Variants in L3MBTL4 observed in about 807,000 individuals in gnomAD.
L3MBTL4 encodes the protein L3MBTL histone methyl-lysine binding protein 4.
L3MBTL4 carries 70 observed loss-of-function variants against 84.5 expected under a neutral mutation model. The observed-to-expected ratio is 0.83, with a 90% confidence interval of 0.68 to 1.01. The LOEUF (loss-of-function observed/expected upper bound fraction) is 1.01, where lower values mean the gene tolerates loss of function less well. L3MBTL4 is among the 50% of genes least tolerant of loss of function. The pLI, the probability that L3MBTL4 is intolerant of heterozygous loss-of-function variation, is 0.00. For synonymous variants in L3MBTL4, 274 were observed against 259.8 expected, an observed-to-expected ratio of 1.05 and a Z score of -0.52; for missense variants, 715 against 754.8, an observed-to-expected ratio of 0.95 and a Z score of 0.62.
chr18:6,093,365 T>C lies in L3MBTL4; in HGVS notation c.1363A>G (p.Ser455Gly). The change falls in exon 15 of 19, where the codon AGT becomes GGT. Residue 455 changes from serine (S) to glycine (G), a missense_variant. By Grantham distance (56) the Ser-to-Gly change is moderately conservative. Coordinates refer to ENST00000317931, the MANE Select transcript of L3MBTL4 (RefSeq NM_001330559.2). ...NFNGKHEKVN[S>G]QPRLVQQAKC... ...TAAGAAGTTTCTTACCTGGGCTGACTGTTCACCTTTTCATGTTTTCCATTG... is the reference window on the plus strand; with the variant it reads ...TAAGAAGTTTCTTACCTGGGCTGACCGTTCACCTTTTCATGTTTTCCATTG... 1.9e-6 allele frequency: 3 copies of C among 1,609,468 alleles called. No individual in the cohort carries two copies. In the South Asian group the frequency reaches 3.3e-5, roughly 18 times the overall value.
intron 16 of L3MBTL4, among the ~76,000 whole-genome samples, chr18:6,017,066 A>T (rs1211567429): frequency 2.0e-5 from 3 of 152,152 alleles, no homozygotes; most frequent in Non-Finnish European, 2.9e-5. Flanking sequence ...ATCTCCCTGG[A>T]GCCCGTGGTC....
intron 10 of L3MBTL4, among the ~76,000 whole-genome samples, chr18:6,237,180 A>G (rs2047249206): frequency 6.6e-6 from 1 of 152,164 alleles, no homozygotes; most frequent in Admixed American, 6.5e-5. Flanking sequence ...TGTTTAGCTA[A>G]GATGTTAATT....
intron 4 of L3MBTL4, among the ~76,000 whole-genome samples, chr18:6,277,044 C>A (rs2049109920): frequency 6.7e-6 from 1 of 148,512 alleles, no homozygotes; most frequent in African/African-American, 2.5e-5. Flanking sequence ...AGTTTCCACT[C>A]TTGACTGAGT....
chr18:6,227,671 A>G (rs543895368), intron 10 of L3MBTL4, among the ~76,000 whole-genome samples: 11 of 152,322 alleles, frequency 7.2e-5, no homozygotes, highest in African/African-American at 2.4e-4. Context: ...TTAAGAAAAG[A>G]AAACTCCAGA....
chr18:6,117,611 A>C (rs2059397915), intron 14 of L3MBTL4, among the ~76,000 whole-genome samples: 1 of 152,228 alleles, frequency 6.6e-6, no homozygotes, highest in Admixed American at 6.5e-5. Flanking sequence ...CTTACTAGGA[A>C]TCAGCAAGAT....
intron 1 of L3MBTL4, among the ~76,000 whole-genome samples, chr18:6,380,406 G>A (rs2054549687): frequency 6.6e-6 from 1 of 152,088 alleles, no homozygotes; most frequent in East Asian, 1.9e-4. Flanking sequence ...TAATTTTGAT[G>A]TTAGGGTGTC....
chr18:6,239,209 C>T (rs1272545660), intron 9 of L3MBTL4, among the ~76,000 whole-genome samples: 5 of 150,902 alleles, frequency 3.3e-5, no homozygotes, highest in Admixed American at 3.3e-4. Flanking sequence ...GGCGTAGTGG[C>T]GGGCGCCTGT....
intron 16 of L3MBTL4, among the ~76,000 whole-genome samples, chr18:5,996,562 G>A (rs1041788731): frequency 3.9e-5 from 6 of 152,194 alleles, no homozygotes; most frequent in East Asian, 1.9e-4. Context: ...GCGCTCTGGG[G>A]TTCTACTCAG....
At chr18:6,241,725 C>A (rs955190938) in intron 7 of L3MBTL4, among the ~76,000 whole-genome samples, 6 of 152,164 alleles carry the variant, frequency 3.9e-5, no homozygotes, top group African/African-American at 1.4e-4. Context: ...GCTTCCCCAT[C>A]ACGCGCATCA....
chr18:6,157,156 T>G (rs766829857), intron 13 of L3MBTL4, among the ~76,000 whole-genome samples: 5 of 152,210 alleles, frequency 3.3e-5, no homozygotes, highest in Non-Finnish European at 7.3e-5. Flanking sequence ...AAAAACACAA[T>G]ATGCTGTAAT....
chr18:6,120,216 G>A (rs1034472187), intron 14 of L3MBTL4, among the ~76,000 whole-genome samples: 4 of 152,170 alleles, frequency 2.6e-5, no homozygotes, highest in East Asian at 1.9e-4. Flanking sequence ...GGTCAGTCTC[G>A]GAACCGACCA....
chr18:6,338,979 C>T (rs1368457743), intron 1 of L3MBTL4, among the ~76,000 whole-genome samples: 1 of 152,098 alleles, frequency 6.6e-6, no homozygotes, highest in Admixed American at 6.5e-5. Flanking sequence ...TTACTGTGTA[C>T]TCATTAACAG....
chr18:6,089,966 T>G (rs1001426153), intron 15 of L3MBTL4, among the ~76,000 whole-genome samples: 2 of 152,176 alleles, frequency 1.3e-5, no homozygotes, highest in African/African-American at 4.8e-5. Flanking sequence ...TTGCCTAAAT[T>G]ACAAAATTAT....
At chr18:6,080,790 G>C in intron 16 of L3MBTL4, 91 bp downstream of exon 16, 1 of 932,666 alleles carries the variant, frequency 1.1e-6, no homozygotes, top group Non-Finnish European at 1.6e-6. Context: ...ACCATTCCCT[G>C]TTGGAATGAT....
intron 1 of L3MBTL4, among the ~76,000 whole-genome samples, chr18:6,378,049 A>G (rs570439201): frequency 2.0e-4 from 31 of 152,168 alleles, no homozygotes; most frequent in African/African-American, 7.2e-4. Context: ...TGTGGTTTTG[A>G]TTTGCATTTC....
At chr18:6,262,614 G>C (rs1049543252) in intron 5 of L3MBTL4, among the ~76,000 whole-genome samples, 7 of 152,054 alleles carry the variant, frequency 4.6e-5, no homozygotes, top group African/African-American at 1.7e-4. Context: ...AGCCCCTGAG[G>C]GTCTGATTTA....
At chr18:6,355,084 G>A (rs531156118) in intron 1 of L3MBTL4, among the ~76,000 whole-genome samples, 28 of 152,296 alleles carry the variant, frequency 1.8e-4, no homozygotes, top group African/African-American at 6.7e-4. Flanking sequence ...CTTATACACA[G>A]TGGAGTACTA....
intron 1 of L3MBTL4, among the ~76,000 whole-genome samples, chr18:6,324,524 T>A (rs2051611508): frequency 6.6e-6 from 1 of 152,228 alleles, no homozygotes; most frequent in Non-Finnish European, 1.5e-5. Flanking sequence ...AGGCTTGTGC[T>A]ATGACTTGCT....
At chr18:6,209,670 T>C (rs961298970) in intron 12 of L3MBTL4, among the ~76,000 whole-genome samples, 3 of 152,120 alleles carry the variant, frequency 2.0e-5, no homozygotes, top group East Asian at 1.9e-4. Flanking sequence ...AATGAAAACA[T>C]ACGTCCACAC....
Sources: gnomAD v4.1 joint callset for allele counts (sites outside exome capture counted in the v4.1 genomes callset) on GRCh38, gnomAD v4.1.1 for gene constraint, MANE v1.5 for transcripts, NCBI Gene and HGNC (gene_info 2026-07-23, HGNC 2026-07-21) for gene names.